CCDC171: variants seen among roughly 807,000 people sequenced by gnomAD.
The protein encoded by CCDC171 is coiled-coil domain containing 171, also known as coiled-coil domain-containing protein 171.
CCDC171 carries 177 observed loss-of-function variants against 168.2 expected under a neutral mutation model. The ratio of observed to expected loss-of-function variants is 1.05; its 90% confidence interval spans 0.93 to 1.19. The LOEUF (loss-of-function observed/expected upper bound fraction) is 1.19, where lower values mean the gene tolerates loss of function less well. CCDC171 is among the 50% of genes most tolerant of loss of function. The pLI is 0.00. For synonymous variants in CCDC171, 687 were observed against 540.8 expected, an observed-to-expected ratio of 1.27 and a Z score of -3.75; for missense variants, 1,991 against 1,539.0, an observed-to-expected ratio of 1.29 and a Z score of -4.91.
intron 18 of CCDC171, among the ~76,000 whole-genome samples, chr9:15,775,243 T>C (rs1018687267): frequency 6.6e-6 from 1 of 152,254 alleles, no homozygotes; most frequent in Non-Finnish European, 1.5e-5. Context: ...TGACTTTCAC[T>C]TCTTAAAAAT....
In CCDC171 at chr9:15,559,857, C is replaced by T. The variant is rs144880446; in HGVS notation, c.-111-4121C>T. On this transcript the variant is annotated intron_variant, in intron 1 of 25. Transcript: ENST00000380701. ...GTCTTTACAATTTGGCATGTTTTTG[C>T]AGTGGCTGGTACCGGTTGTTCCTTT... Among the ~76,000 whole-genome samples the T allele has an allele frequency of 2.0e-3, 298 of 152,242 alleles. 5 individuals carry two copies. Among genetic ancestry groups the T allele is most frequent in the Non-Finnish European group, 3.6e-3 (243 of 67,984 alleles).
At chr9:15,573,896 A>C (rs1056645197) in intron 3 of CCDC171, among the ~76,000 whole-genome samples, 3 of 151,996 alleles carry the variant, frequency 2.0e-5, no homozygotes, top group African/African-American at 7.2e-5. Flanking sequence ...CCCTGTATCT[A>C]CAAAAAATAA....
At chr9:15,878,216 T>A (rs1202863255) in intron 24 of CCDC171, among the ~76,000 whole-genome samples, 1 of 152,072 alleles carries the variant, frequency 6.6e-6, no homozygotes, top group Non-Finnish European at 1.5e-5. Flanking sequence ...GGGAAAAATA[T>A]TGCAAACTGT....
In CCDC171 at chr9:15,784,660, C is replaced by A. The variant is rs766045155; in HGVS notation, c.3233C>A (p.Ala1078Asp). 1.2e-6 allele frequency: 2 copies of A among 1,612,696 alleles called. No individual in the cohort carries two copies. The highest frequency in any genetic ancestry group is 8.5e-7 in the Non-Finnish European group (1 of 1,179,316). Residue 1078 changes from alanine to aspartate, a missense_variant, in exon 21 of 26, where the codon GCT becomes GAT. By Grantham distance (126) the Ala-to-Asp change is moderately radical. Coordinates refer to ENST00000380701, the MANE Select transcript of CCDC171 (RefSeq NM_173550.4). ...YKLELHSSEE[A>D]DKNQTLGEAV... ...CTTGAATTGCACTCCAGTGAGGAAG[C>A]TGACAAAAACCAAACTCTTGGAGAA...
chr9:15,890,112 C>T (rs1179896356), intron 24 of CCDC171, among the ~76,000 whole-genome samples: 1 of 152,038 alleles, frequency 6.6e-6, no homozygotes, highest in African/African-American at 2.4e-5. Context: ...TACTGAGCAC[C>T]TACCAAATGT....
At chr9:15,797,219 A>G (rs890463529) in intron 21 of CCDC171, among the ~76,000 whole-genome samples, 1 of 151,988 alleles carries the variant, frequency 6.6e-6, no homozygotes, top group Non-Finnish European at 1.5e-5. Context: ...TATTTGATTG[A>G]TTGACTGATT....
intron 3 of CCDC171, among the ~76,000 whole-genome samples, chr9:16,003,668 G>A (rs185915178): frequency 7.1e-4 from 108 of 152,274 alleles, no homozygotes; most frequent in African/African-American, 2.4e-3. Flanking sequence ...GTCATTATTT[G>A]ACAATGAAAC....
Position 16,023,535 on chromosome 9 carries a change from C to T in CCDC171, n.998+627C>T, listed in dbSNP as rs1456425086. Among the ~76,000 whole-genome samples, 4 of 152,304 alleles carry T rather than the reference C, an allele frequency of 2.6e-5. No individual in the cohort carries two copies. The South Asian group carries it at 6.2e-4, about 24-fold the overall frequency. On this transcript the variant is annotated intron_variant and non_coding_transcript_variant, in intron 6 of 9. Coordinates refer to the CCDC171 transcript ENST00000486641. ...GCTTGAGGCAGCACCACCTCTTGCCCTGTCCAGAGGAATAACTTAGGTTGG... is the reference window on the plus strand; with the variant it reads ...GCTTGAGGCAGCACCACCTCTTGCCTTGTCCAGAGGAATAACTTAGGTTGG...
At chr9:16,008,170 A>G (rs1270789297) in intron 3 of CCDC171, among the ~76,000 whole-genome samples, 4 of 152,158 alleles carry the variant, frequency 2.6e-5, no homozygotes, top group African/African-American at 9.7e-5. Context: ...GGACTCAAAA[A>G]TTTATCCCTG....
chr9:15,978,658 C>T (rs1831694327), downstream of CCDC171, among the ~76,000 whole-genome samples: 1 of 152,150 alleles, frequency 6.6e-6, no homozygotes. Context: ...GATTTATCTG[C>T]TTCACAACAA....
intron 3 of CCDC171, among the ~76,000 whole-genome samples, chr9:15,990,128 A>T (rs1340977885): frequency 1.3e-5 from 2 of 152,174 alleles, no homozygotes; most frequent in Non-Finnish European, 2.9e-5. Flanking sequence ...CATAATTGTC[A>T]GATTCACCAA....
In CCDC171 at chr9:15,558,200, T is replaced by C. The variant is rs537242807; in HGVS notation, c.-112+4898T>C. ...TCAGGGATATTGGCTAAAATTCTCTTTTTTTGTTGTGTCTCTGCCAGGCTT... is the reference window on the plus strand; with the variant it reads ...TCAGGGATATTGGCTAAAATTCTCTCTTTTTGTTGTGTCTCTGCCAGGCTT... On this transcript the variant is annotated intron_variant, in intron 1 of 25. Coordinates refer to ENST00000380701, the MANE Select transcript of CCDC171 (RefSeq NM_173550.4). 7.0e-4 allele frequency among the ~76,000 whole-genome samples: 107 copies of C among 152,266 alleles called. 1 individual carries two copies. Among genetic ancestry groups the C allele is most frequent in the South Asian group, 3.9e-3 (19 of 4,828 alleles).
the CCDC171 span, among the ~76,000 whole-genome samples, chr9:16,078,189 C>G: frequency 6.6e-6 from 1 of 151,946 alleles, no homozygotes; most frequent in African/African-American, 2.4e-5. Context: ...ACCTTGAATA[C>G]GTACACTTTT....
intron 10 of CCDC171, among the ~76,000 whole-genome samples, chr9:15,691,725 C>G (rs1026054696): frequency 6.6e-6 from 1 of 151,846 alleles, no homozygotes; most frequent in Non-Finnish European, 1.5e-5. Flanking sequence ...TCGCCCAGGC[C>G]GGAGTGCAGT....
chr9:15,587,965 G>C (rs772298075), intron 4 of CCDC171, among the ~76,000 whole-genome samples: 6 of 152,126 alleles, frequency 3.9e-5, no homozygotes, highest in Non-Finnish European at 7.3e-5. Context: ...GGCCAGGCGC[G>C]GTGGCTCACG....
rs558915161 is a variant in CCDC171, at chr9:15,916,548, C to G, written c.3601-3722C>G. On this transcript the variant is annotated intron_variant, in intron 24 of 25. Coordinates refer to ENST00000380701, the MANE Select transcript of CCDC171 (RefSeq NM_173550.4). ...GGCATGTAGGCTTTATGATATTTTT[C>G]ACTATTTTCTTCTTCTCTTAATATC... is the stretch of plus-strand genomic sequence containing the variant. Among the ~76,000 whole-genome samples, 255 of 151,978 alleles carry G rather than the reference C, an allele frequency of 1.7e-3. 1 individual carries two copies. The highest frequency in any genetic ancestry group is 6.9e-3 in the Middle Eastern group (2 of 290).
intron 6 of CCDC171, among the ~76,000 whole-genome samples, chr9:16,027,936 A>G (rs568906965): frequency 1.3e-5 from 2 of 152,206 alleles, no homozygotes; most frequent in African/African-American, 4.8e-5. Context: ...ATATCTTCCC[A>G]TATTATTTCA....
At chr9:16,081,179 A>T in the CCDC171 span, among the ~76,000 whole-genome samples, 1 of 152,182 alleles carries the variant, frequency 6.6e-6, no homozygotes, top group Non-Finnish European at 1.5e-5. Context: ...GGACATTGTC[A>T]GTTGCTTTCT....
At chr9:16,002,981 A>G (rs1258944244) in intron 3 of CCDC171, among the ~76,000 whole-genome samples, 1 of 152,222 alleles carries the variant, frequency 6.6e-6, no homozygotes, top group Non-Finnish European at 1.5e-5. Flanking sequence ...TGTACACTCA[A>G]CATTTGCACA....
Sources: allele counts gnomAD v4.1 joint callset (sites outside exome capture counted in the v4.1 genomes callset), GRCh38; gene constraint gnomAD v4.1.1; transcripts MANE v1.5; gene names NCBI Gene and HGNC (gene_info 2026-07-23, HGNC 2026-07-21).